Variants in ANK2 observed in about 807,000 individuals in gnomAD.
The protein encoded by ANK2 is ankyrin 2, also known as ankyrin-2.
ANK2 carries 83 observed loss-of-function variants against 360.5 expected under a neutral mutation model. The ratio of observed to expected loss-of-function variants is 0.23; its 90% confidence interval spans 0.19 to 0.28. The LOEUF (loss-of-function observed/expected upper bound fraction) is 0.28. ANK2 is among the 10% of genes least tolerant of loss of function. ANK2 has a pLI of 1.00. For synonymous variants in ANK2, 1,740 were observed against 1,759.5 expected, an observed-to-expected ratio of 0.99 and a Z score of 0.28; for missense variants, 4,201 against 4,795.7, an observed-to-expected ratio of 0.88 and a Z score of 3.66.
the ANK2 span, chr4:112,738,680 C>A: frequency 1.7e-6 from 1 of 588,388 alleles, no homozygotes; most frequent in South Asian, 1.4e-5. Flanking sequence ...TCACGGCTGC[C>A]CTCAGACCCG....
At chr4:112,728,292 C>CAAAAAAAAAAAAA in the ANK2 span, among the ~76,000 whole-genome samples, 14 of 40,130 alleles carry the variant, frequency 3.5e-4, no homozygotes, top group Non-Finnish European at 4.6e-4. Flanking sequence ...GACTCTGTCT[C>CAAAAAAAAAAAAA]AAAAAAAAAA....
In ANK2 at chr4:113,341,922, G is replaced by A; in HGVS notation, c.4122+6G>A. On this transcript the variant is annotated splice_donor_region_variant and intron_variant, in intron 33 of 45. Coordinates refer to ENST00000357077, the MANE Select transcript of ANK2 (RefSeq NM_001148.6). ...CCAGAAGCAGGGATGTGGAGGTACT[G>A]TACCAAAAATAATAATAATAATTTA... 1 of 1,591,044 alleles carries A rather than the reference G, an allele frequency of 6.3e-7. No homozygotes were observed.
intron 2 of ANK2, among the ~76,000 whole-genome samples, chr4:112,943,445 G>T (rs530971356): frequency 6.6e-6 from 1 of 151,884 alleles, no homozygotes; most frequent in East Asian, 1.9e-4. Context: ...AAATTAGAGT[G>T]GTTGGAGAAT....
intron 36 of ANK2, 95 bp downstream of exon 36, chr4:113,348,403 G>A: frequency 7.3e-7 from 1 of 1,375,992 alleles, no homozygotes; most frequent in Non-Finnish European, 1.0e-6. Flanking sequence ...GACGGGGTAG[G>A]CGGTTCTTCT....
At chr4:113,253,444 C>T (rs2047584218) in intron 10 of ANK2, among the ~76,000 whole-genome samples, 1 of 152,152 alleles carries the variant, frequency 6.6e-6, no homozygotes, top group Non-Finnish European at 1.5e-5. Context: ...GATGTCAGCT[C>T]CCCATTGCCA....
At chr4:112,990,144 C>T (rs767467706) in intron 2 of ANK2, among the ~76,000 whole-genome samples, 52 of 152,066 alleles carry the variant, frequency 3.4e-4, no homozygotes, top group Non-Finnish European at 6.5e-4. Context: ...TGGCACATTC[C>T]TGTAGTCTCA....
At chr4:112,886,531 G>A (rs529082810) in intron 1 of ANK2, among the ~76,000 whole-genome samples, 13 of 152,052 alleles carry the variant, frequency 8.5e-5, no homozygotes, top group South Asian at 2.1e-4. Flanking sequence ...GTGTGGTGGC[G>A]CGCGCCTGTA....
chr4:113,240,612 G>C (rs2039252918), intron 8 of ANK2, 29 bp downstream of exon 8: 1 of 1,547,548 alleles, frequency 6.5e-7, no homozygotes, highest in Admixed American at 1.7e-5. Flanking sequence ...TCTCATTCTA[G>C]ATAGCAGTAA....
At chr4:112,836,815 T>C (rs1261640204) in intron 1 of ANK2, among the ~76,000 whole-genome samples, 1 of 152,204 alleles carries the variant, frequency 6.6e-6, no homozygotes, top group African/African-American at 2.4e-5. Context: ...TTCCTGAAAG[T>C]GCACAGTGAT....
At chr4:113,057,745 T>A (rs2154331448) in intron 1 of ANK2, among the ~76,000 whole-genome samples, 1 of 152,254 alleles carries the variant, frequency 6.6e-6, no homozygotes. Flanking sequence ...TAGGGACAAT[T>A]TTTGAAAGTA....
intron 1 of ANK2, among the ~76,000 whole-genome samples, chr4:113,099,119 A>C (rs1354907623): frequency 6.6e-6 from 1 of 151,940 alleles, no homozygotes; most frequent in East Asian, 1.9e-4. Flanking sequence ...GTTTTCTCTT[A>C]CTCTCATATT....
chr4:113,358,626 A>G lies in ANK2; in HGVS notation c.10008A>G (p.Glu3336=), dbSNP rs771201868. 1.2e-6 allele frequency: 2 copies of G among 1,609,354 alleles called. No homozygotes were observed. The highest frequency in any genetic ancestry group is 2.2e-5 in the East Asian group (1 of 44,654). The change falls in exon 38 of 46, where the codon GAA becomes GAG. Residue 3336 remains glutamate, a synonymous_variant. Coordinates refer to ENST00000357077, the MANE Select transcript of ANK2 (RefSeq NM_001148.6). ...SEDFLSSVDE[E]NKADEAKPKS... Reference sequence around the variant, plus strand: ...ATTTTCTATCCAGTGTAGATGAGGAAAATAAGGCGGATGAAGCAAAACCAA... The same window carrying G: ...ATTTTCTATCCAGTGTAGATGAGGAGAATAAGGCGGATGAAGCAAAACCAA...
intron 26 of ANK2, among the ~76,000 whole-genome samples, chr4:113,327,968 A>G (rs1365036110): frequency 6.6e-6 from 1 of 152,204 alleles, no homozygotes; most frequent in Non-Finnish European, 1.5e-5. Flanking sequence ...TTACTTAAAC[A>G]TTGTTACAGT....
intron 11 of ANK2, among the ~76,000 whole-genome samples, chr4:113,257,251 G>C (rs1448790095): frequency 6.6e-6 from 1 of 152,158 alleles, no homozygotes. Context: ...CGATGAGTAA[G>C]CACCGGGCCA....
intron 20 of ANK2, among the ~76,000 whole-genome samples, chr4:113,289,132 T>C (rs946720135): frequency 1.3e-5 from 2 of 152,134 alleles, no homozygotes; most frequent in African/African-American, 4.8e-5. Flanking sequence ...ATGCATACTA[T>C]AACTTGCAGC....
At chr4:112,749,831 C>T in the ANK2 span, among the ~76,000 whole-genome samples, 52 of 151,942 alleles carry the variant, frequency 3.4e-4, no homozygotes, top group African/African-American at 1.1e-3. Flanking sequence ...CTGCAACCTC[C>T]GCCTCCCAGG....
chr4:113,166,447 A>AT (rs1243521205), intron 1 of ANK2, among the ~76,000 whole-genome samples: 4 of 151,466 alleles, frequency 2.6e-5, no homozygotes, highest in Admixed American at 6.6e-5. Flanking sequence ...GTATATATGT[A>AT]TATATATATA....
At chr4:112,713,728 G>A in the ANK2 span, among the ~76,000 whole-genome samples, 1 of 151,552 alleles carries the variant, frequency 6.6e-6, no homozygotes, top group African/African-American at 2.4e-5. Context: ...TCAGGAGATC[G>A]AGACCATCCT....
At chr4:112,905,728 C>T (rs1038395124) in intron 2 of ANK2, among the ~76,000 whole-genome samples, 5 of 152,198 alleles carry the variant, frequency 3.3e-5, no homozygotes, top group African/African-American at 1.2e-4. Flanking sequence ...GTGGCACAAT[C>T]ATGGCTCAGT....
Sources: gnomAD v4.1 joint callset for allele counts (sites outside exome capture counted in the v4.1 genomes callset) on GRCh38, gnomAD v4.1.1 for gene constraint, MANE v1.5 for transcripts, NCBI Gene and HGNC (gene_info 2026-07-23, HGNC 2026-07-21) for gene names.